EHHADH: variants seen among roughly 807,000 people sequenced by gnomAD.
EHHADH encodes peroxisomal bifunctional enzyme.
Under a neutral mutation model 64.4 loss-of-function variants are expected in EHHADH, and 48 were observed. The ratio of observed to expected loss-of-function variants is 0.75; its 90% confidence interval spans 0.59 to 0.95. The LOEUF (loss-of-function observed/expected upper bound fraction) is 0.95. Ranked by LOEUF, EHHADH falls within the 40% of genes least tolerant of loss-of-function variation. The pLI, the probability that EHHADH is intolerant of heterozygous loss-of-function variation, is 0.00. For synonymous variants in EHHADH, 308 were observed against 326.7 expected (o/e 0.94, Z 0.62); for missense variants, 854 against 876.6 (o/e 0.97, Z 0.33).
intron 4 of EHHADH, among the ~76,000 whole-genome samples, chr3:185,223,999 G>A (rs905431588): frequency 6.6e-6 from 1 of 152,132 alleles, no homozygotes; most frequent in African/African-American, 2.4e-5. Context: ...GAAGGTTGCT[G>A]TTGTAATCAC....
At chr3:185,226,275 A>T (rs764667117) in intron 4 of EHHADH, among the ~76,000 whole-genome samples, 1 of 152,194 alleles carries the variant, frequency 6.6e-6, no homozygotes, top group Non-Finnish European at 1.5e-5. Context: ...CTCTATGGAG[A>T]GGTCCCCGTA....
At chr3:185,220,271 A>G (rs192104918) in intron 4 of EHHADH, among the ~76,000 whole-genome samples, 13 of 152,372 alleles carry the variant, frequency 8.5e-5, no homozygotes, top group Admixed American at 7.2e-4. Flanking sequence ...TTCCAAGTAC[A>G]GTCATATGCC....
Position 185,208,906 on chromosome 3 carries a change from C to T in EHHADH, c.569-4149G>A, listed in dbSNP as rs562512293. ...ACAGATGAGCCTCAGAAACATTATG[C>T]TAACTAAAAGAAGCCAGATGCAAAA... On this transcript the variant is annotated intron_variant, in intron 5 of 6. Transcript: ENST00000231887. 2.0e-5 allele frequency among the ~76,000 whole-genome samples: 3 copies of T among 152,254 alleles called. No homozygotes were observed. In the East Asian group the frequency reaches 5.8e-4, roughly 29 times the overall value.
At chr3:185,212,979 G>A (rs922414049) in intron 5 of EHHADH, among the ~76,000 whole-genome samples, 1 of 151,780 alleles carries the variant, frequency 6.6e-6, no homozygotes, top group Non-Finnish European at 1.5e-5. Flanking sequence ...AATTAGCCGG[G>A]TGTGCTGCCT....
At chr3:185,195,848 A>C (rs143894067) in intron 6 of EHHADH, among the ~76,000 whole-genome samples, 1 of 152,342 alleles carries the variant, frequency 6.6e-6, no homozygotes, top group African/African-American at 2.4e-5. Context: ...TTGAGTGAAC[A>C]TTAGAAGCCC....
intron 2 of EHHADH, among the ~76,000 whole-genome samples, chr3:185,239,736 C>T (rs1318581978): frequency 6.7e-6 from 1 of 149,976 alleles, no homozygotes; most frequent in African/African-American, 2.4e-5. Context: ...CACAGGAAAT[C>T]TGACTTCCTC....
Position 185,192,483 on chromosome 3 carries a change from TC to T in EHHADH, c.1914del (p.Ile639Ter). ...INEAFRILGE[G>X]IAASPEHIDV... ...TCAATGTGCTCTGGGCTAGCAGCTA[TC>T]CCTTCTCCCAAGATACGGAATGCTT... is the stretch of plus-strand genomic sequence containing the variant. On this transcript the variant is annotated frameshift_variant, in exon 7 of 7. Transcript: ENST00000231887. LOFTEE classifies it high-confidence loss of function. 6.2e-7 allele frequency: 1 copy of T among 1,614,218 alleles called. No individual in the cohort carries two copies. Among genetic ancestry groups the T allele is most frequent in the Non-Finnish European group, 8.5e-7 (1 of 1,180,046 alleles).
chr3:185,248,050 G>A, intron 2 of EHHADH: 1 of 177,612 alleles, frequency 5.6e-6, no homozygotes, highest in Non-Finnish European at 1.2e-5. Flanking sequence ...CCTTAAAATA[G>A]ATATTATTGT....
chr3:185,245,892 T>C, intron 2 of EHHADH: 1 of 1,149,350 alleles, frequency 8.7e-7, no homozygotes, highest in South Asian at 1.2e-5. Flanking sequence ...TCCCTCATGA[T>C]GTTGAACACA....
At chr3:185,253,608 G>C (rs1399516557) in intron 1 of EHHADH, among the ~76,000 whole-genome samples, 4 of 148,998 alleles carry the variant, frequency 2.7e-5, no homozygotes, top group Non-Finnish European at 5.9e-5. Flanking sequence ...GGCCTGCAAA[G>C]CCAAAGTTGC....
At chr3:185,238,577 T>C (rs563430592) in intron 2 of EHHADH, among the ~76,000 whole-genome samples, 42 of 152,272 alleles carry the variant, frequency 2.8e-4, no homozygotes, top group South Asian at 1.9e-3. Flanking sequence ...ATATGTCCTA[T>C]GTGTACTTCA....
rs575908865 is a variant in EHHADH at position 185,194,863 on chromosome 3, G to C, written c.911-1376C>G. 2.8e-5 allele frequency among the ~76,000 whole-genome samples: 4 copies of C among 141,188 alleles called. No individual in the cohort carries two copies. The South Asian group carries it at 9.1e-4, about 32-fold the overall frequency. 92.6% of individuals were successfully genotyped at this position (141,188 alleles called of 152,430 possible). Reference sequence around the variant, plus strand: ...AGTATTTAAGACAGTGTAAGATAGTGGTCATTGCAAAAGGATAGACATATA... The same window carrying C: ...AGTATTTAAGACAGTGTAAGATAGTCGTCATTGCAAAAGGATAGACATATA... On this transcript the variant is annotated intron_variant, in intron 6 of 6. Coordinates refer to ENST00000231887, the MANE Select transcript of EHHADH (RefSeq NM_001966.4).
chr3:185,192,201 G>T lies in EHHADH; in HGVS notation c.*25C>A. On this transcript the variant is annotated 3_prime_UTR_variant, in exon 7 of 7. Coordinates refer to ENST00000231887, the MANE Select transcript of EHHADH (RefSeq NM_001966.4). ...AGTCAGCATTACCTGATGCTAGCAT[G>T]TGAGGCATAATCTGGAAGACTGAAT... The T allele has an allele frequency of 6.3e-7, 1 of 1,593,452 alleles. No individual in the cohort carries two copies. Among genetic ancestry groups the T allele is most frequent in the Non-Finnish European group, 8.5e-7 (1 of 1,169,824 alleles).
intron 4 of EHHADH, among the ~76,000 whole-genome samples, chr3:185,226,473 AC>A (rs1308475871): frequency 6.6e-6 from 1 of 152,078 alleles, no homozygotes; most frequent in African/African-American, 2.4e-5. Context: ...ACATGGTGAA[AC>A]CCTGTCTCTA....
Position 185,235,464 on chromosome 3 carries a change from T to G in EHHADH, c.179-2A>C, listed in dbSNP as rs762014779. On this transcript the variant is annotated splice_acceptor_variant, in intron 2 of 6. Coordinates refer to ENST00000231887, the MANE Select transcript of EHHADH (RefSeq NM_001966.4). LOFTEE classifies it high-confidence loss of function. ...CACTGAAGCCACGAATATCAGCACC[T>G]AAGGGCACAAAGACAAGGAGAAAAC... 1.2e-6 allele frequency: 2 copies of G among 1,603,206 alleles called. No homozygotes were observed. The highest frequency in any genetic ancestry group is 1.7e-6 in the Non-Finnish European group (2 of 1,174,696).
chr3:185,204,402 C>G lies in EHHADH; in HGVS notation c.910+14G>C. 1 of 1,583,294 alleles carries G rather than the reference C, an allele frequency of 6.3e-7. No individual in the cohort carries two copies. On this transcript the variant is annotated intron_variant, in intron 6 of 6. Transcript: ENST00000231887. ...CAGATTTGGAGGATTCCATTCATTACCCCATGGTCTTACCAACAACACCAA... is the reference window on the plus strand; with the variant it reads ...CAGATTTGGAGGATTCCATTCATTAGCCCATGGTCTTACCAACAACACCAA...
intron 4 of EHHADH, among the ~76,000 whole-genome samples, chr3:185,228,906 C>T (rs185544771): frequency 5.9e-5 from 9 of 151,740 alleles, no homozygotes; most frequent in East Asian, 2.0e-4. Flanking sequence ...TGGGTTCAAG[C>T]GATTCTCCTG....
chr3:185,229,656 A>G, intron 3 of EHHADH, 113 bp from the exon 4 acceptor site: 1 of 591,342 alleles, frequency 1.7e-6, no homozygotes, highest in Non-Finnish European at 2.7e-6. Context: ...CACTGAATTC[A>G]GCAAGATTTC....
Position 185,193,022 on chromosome 3 carries a change from A to T in EHHADH, c.1376T>A (p.Val459Asp). 6.2e-7 allele frequency: 1 copy of T among 1,614,242 alleles called. No homozygotes were observed. The highest frequency in any genetic ancestry group is 8.5e-7 in the Non-Finnish European group (1 of 1,180,042). ...QYSSPTTIATVMNLSKKIKKI... is the reference protein window; with the variant it reads ...QYSSPTTIATDMNLSKKIKKI... Reference sequence around the variant, plus strand: ...TTTAATCTTTTTTGATAAGTTCATAACAGTGGCAATGGTAGTGGGGGAAGA... The same window carrying T: ...TTTAATCTTTTTTGATAAGTTCATATCAGTGGCAATGGTAGTGGGGGAAGA... Residue 459 changes from valine to aspartate, a missense_variant, in exon 7 of 7, where the codon GTT becomes GAT. Val to Asp is a radical substitution (Grantham distance 152). Transcript: ENST00000231887.
Sources: gnomAD v4.1 joint callset for allele counts (sites outside exome capture counted in the v4.1 genomes callset) on GRCh38, gnomAD v4.1.1 for gene constraint, MANE v1.5 for transcripts, NCBI Gene and HGNC (gene_info 2026-07-23, HGNC 2026-07-21) for gene names.